The following PCDHGA7 variants were observed in gnomAD, a reference collection of about 807,000 sequenced individuals.
PCDHGA7 encodes protocadherin gamma-A7.
PCDHGA7 carries 44 observed loss-of-function variants against 58.3 expected under a neutral mutation model. That is an observed-to-expected ratio of 0.75 (90% CI 0.59 to 0.97). PCDHGA7 has a LOEUF of 0.97. Among genes scored for constraint, PCDHGA7 ranks in the 50% least tolerant of loss-of-function variants. The probability of loss-of-function intolerance (pLI) is 0.00; values close to 1 mark genes in which losing one functional copy is unlikely to be tolerated. For synonymous variants in PCDHGA7, 516 were observed against 504.2 expected (o/e 1.02, Z -0.31); for missense variants, 1,266 against 1,188.7 (o/e 1.06, Z -0.96).
chr5:141,414,434 C>A (rs774467993), intron 1 of PCDHGA7: 2 of 1,613,822 alleles, frequency 1.2e-6, no homozygotes, highest in Non-Finnish European at 8.5e-7. Flanking sequence ...GAACAGGTAT[C>A]CTCTTACAAT....
chr5:141,421,679 C>A, intron 1 of PCDHGA7: 1 of 1,613,810 alleles, frequency 6.2e-7, no homozygotes, highest in East Asian at 2.2e-5. Flanking sequence ...ATTCCTGGGG[C>A]GCGATTTGCT....
At chr5:141,403,284 A>C in intron 1 of PCDHGA7, 1 of 1,613,912 alleles carries the variant, frequency 6.2e-7, no homozygotes. Flanking sequence ...GTCCTGGTTG[A>C]AGACAGAGTG....
At chr5:141,410,369 A>G in intron 1 of PCDHGA7, 1 of 1,613,954 alleles carries the variant, frequency 6.2e-7, no homozygotes. Context: ...CAGCCCTGCT[A>G]CTTGGGACTG....
intron 1 of PCDHGA7, chr5:141,441,118 G>C (rs1265461098): frequency 6.6e-6 from 1 of 152,212 alleles, no homozygotes; most frequent in Non-Finnish European, 1.5e-5. Flanking sequence ...CCAGTGTACA[G>C]TTGAGACCGA....
At chr5:141,435,497 C>T (rs1234443531) in intron 1 of PCDHGA7, among the ~76,000 whole-genome samples, 1 of 152,154 alleles carries the variant, frequency 6.6e-6, no homozygotes, top group African/African-American at 2.4e-5. Context: ...ATTTCCTACA[C>T]TAATGATACT....
At chr5:141,399,822 C>G (rs755182775) in intron 1 of PCDHGA7, 6 of 1,613,084 alleles carry the variant, frequency 3.7e-6, no homozygotes, top group East Asian at 2.2e-5. Context: ...CGCTGGGTCC[C>G]GACGGCTCTG....
chr5:141,405,638 CT>C lies in PCDHGA7; in HGVS notation c.2424+20316del. ...TACAGGCACGTGCCACCACGCCCGG[CT>C]AATTTTTTGTGTGTTTTTAGTAGAG... is the stretch of plus-strand genomic sequence containing the variant. On this transcript the variant is annotated intron_variant, in intron 1 of 3. Coordinates refer to ENST00000518325, the MANE Select transcript of PCDHGA7 (RefSeq NM_018920.4). 3 of 528,680 alleles carry C rather than the reference CT, an allele frequency of 5.7e-6. No individual in the cohort carries two copies. The East Asian group carries it at 9.4e-5, about 17-fold the overall frequency. 32.7% of individuals were successfully genotyped at this position (528,680 alleles called of 1,614,324 possible).
At chr5:141,434,691 A>G (rs1263712056) in intron 1 of PCDHGA7, among the ~76,000 whole-genome samples, 2 of 152,150 alleles carry the variant, frequency 1.3e-5, no homozygotes. Flanking sequence ...GCTTGCTGTT[A>G]ATAAATATGT....
intron 1 of PCDHGA7, chr5:141,414,836 T>C: frequency 6.2e-7 from 1 of 1,614,222 alleles, no homozygotes; most frequent in Non-Finnish European, 8.5e-7. Context: ...TCGTTGAGCC[T>C]GTTTGTGCTG....
intron 1 of PCDHGA7, among the ~76,000 whole-genome samples, chr5:141,445,923 T>C (rs1169404585): frequency 6.6e-6 from 1 of 152,200 alleles, no homozygotes; most frequent in Non-Finnish European, 1.5e-5. Context: ...AGTGACAAGA[T>C]ATTTGAATTA....
intron 1 of PCDHGA7, among the ~76,000 whole-genome samples, chr5:141,386,366 C>A (rs2090545743): frequency 6.6e-6 from 1 of 151,962 alleles, no homozygotes; most frequent in Non-Finnish European, 1.5e-5. Context: ...ATTCCAGAGA[C>A]CTTTGAGTAT....
intron 1 of PCDHGA7, among the ~76,000 whole-genome samples, chr5:141,447,650 T>G (rs555134653): frequency 1.3e-5 from 2 of 151,988 alleles, no homozygotes; most frequent in Non-Finnish European, 2.9e-5. Flanking sequence ...GGTAGAATTT[T>G]CCCCCCCAGG....
At position 141,485,122 on chromosome 5, in the gene PCDHGA7, G is replaced by A. The variant is rs1000179570; in HGVS notation, c.2425-9685G>A. The A allele has an allele frequency of 1.4e-6, 2 of 1,387,624 alleles. No individual in the cohort carries two copies. The highest frequency in any genetic ancestry group is 1.4e-5 in the African/African-American group (1 of 70,566). 86.0% of individuals were successfully genotyped at this position (1,387,624 alleles called of 1,614,324 possible). A position where few individuals can be genotyped will look rare whatever the true frequency, so the allele number is the denominator to read the frequency against. Reference sequence around the variant, plus strand: ...CAGCTGCTGTGGCTGTTTGGGGCGGGTCGGCTTCATCCGCGTCTCAGGAGC... The same window carrying A: ...CAGCTGCTGTGGCTGTTTGGGGCGGATCGGCTTCATCCGCGTCTCAGGAGC... On this transcript the variant is annotated intron_variant, in intron 1 of 3. Coordinates refer to ENST00000518325, the MANE Select transcript of PCDHGA7 (RefSeq NM_018920.4). The surrounding 1 kb of genome is among the most constrained non-coding windows in gnomAD (Gnocchi z 5.7).
At chr5:141,393,848 A>T (rs1368797606) in intron 1 of PCDHGA7, 6 of 1,614,008 alleles carry the variant, frequency 3.7e-6, no homozygotes, top group Non-Finnish European at 5.1e-6. Flanking sequence ...ACAATAGACC[A>T]GAAGTGATCA....
chr5:141,431,071 A>G lies in PCDHGA7; in HGVS notation c.2424+45748A>G. The G allele has an allele frequency of 6.2e-7, 1 of 1,614,244 alleles. No homozygotes were observed. On this transcript the variant is annotated intron_variant, in intron 1 of 3. Coordinates refer to ENST00000518325, the MANE Select transcript of PCDHGA7 (RefSeq NM_018920.4). The surrounding 1 kb of genome is among the most constrained non-coding windows in gnomAD (Gnocchi z 4.8). ...GTATGGGGGCCATCAAGTGTCAATTAAATCTAGACATTCTGATGGAGGATA... is the reference window on the plus strand; with the variant it reads ...GTATGGGGGCCATCAAGTGTCAATTGAATCTAGACATTCTGATGGAGGATA...
chr5:141,485,408 T>G lies in PCDHGA7; in HGVS notation c.2425-9399T>G. On this transcript the variant is annotated intron_variant, in intron 1 of 3. Transcript: ENST00000518325. The surrounding 1 kb of genome is among the most constrained non-coding windows in gnomAD (Gnocchi z 5.7). ...GAACCAAAGACACTTCCGTGTGGAT[T>G]TGGACAGCGGAGCCCTGCTCATCAA... 1 of 1,614,112 alleles carries G rather than the reference T, an allele frequency of 6.2e-7. No individual in the cohort carries two copies. The highest frequency in any genetic ancestry group is 8.5e-7 in the Non-Finnish European group (1 of 1,180,034).
At chr5:141,430,841 T>C (rs757539834) in intron 1 of PCDHGA7, 1 of 1,566,462 alleles carries the variant, frequency 6.4e-7, no homozygotes, top group South Asian at 1.2e-5. Flanking sequence ...GGAGACCGGA[T>C]GCACCCAGAT....
chr5:141,464,907 T>A lies in PCDHGA7; in HGVS notation c.2425-29900T>A, dbSNP rs187725683. On this transcript the variant is annotated intron_variant, in intron 1 of 3. Transcript: ENST00000518325. ...ATGGATGCCACCATGTCCAGCTAAT[T>A]TTTTTATTTTTTTGTAGAGATGTGA... 4.5e-3 allele frequency among the ~76,000 whole-genome samples: 687 copies of A among 152,148 alleles called. 4 individuals are homozygous for A. Among genetic ancestry groups the A allele is most frequent in the African/African-American group, 0.015 (630 of 41,510 alleles).
At chr5:141,510,873 T>A in intron 3 of PCDHGA7, 74 bp from the exon 4 acceptor site, 1 of 1,609,964 alleles carries the variant, frequency 6.2e-7, no homozygotes, top group Non-Finnish European at 8.5e-7. Flanking sequence ...ATTCATTAAC[T>A]GCTGGGGATA....
Sources: allele counts gnomAD v4.1 joint callset (sites outside exome capture counted in the v4.1 genomes callset), GRCh38; gene constraint gnomAD v4.1.1; non-coding constraint Gnocchi (gnomAD v3.1); transcripts MANE v1.5; gene names NCBI Gene and HGNC (gene_info 2026-07-23, HGNC 2026-07-21).